The following TSPAN14 variants were observed in gnomAD, a reference collection of about 807,000 sequenced individuals.
TSPAN14 encodes tetraspanin 14.
TSPAN14 carries 16 observed loss-of-function variants against 36.6 expected under a neutral mutation model. That is an observed-to-expected ratio of 0.44 (90% confidence interval 0.30 to 0.66). The LOEUF is 0.66. Ranked by LOEUF, TSPAN14 falls within the 30% of genes least tolerant of loss-of-function variation. The pLI is 0.12. For missense variants in TSPAN14, 231 were observed against 355.1 expected (o/e 0.65, Z 2.81); for synonymous variants, 139 against 143.8 (o/e 0.97, Z 0.24).
At position 80,509,251 on chromosome 10, in the gene TSPAN14, G is replaced by A. The variant is rs1417143193; in HGVS notation, c.280-50G>A. 2 of 1,582,072 alleles carry A rather than the reference G, an allele frequency of 1.3e-6. No individual in the cohort carries two copies. Among genetic ancestry groups the A allele is most frequent in the African/African-American group, 2.7e-5 (2 of 74,460 alleles). On this transcript the variant is annotated intron_variant, in intron 4 of 8. Coordinates refer to ENST00000429989, the Ensembl canonical transcript of TSPAN14. This position sits in a 1 kb window ranked among gnomAD's most constrained non-coding sequence, Gnocchi z 4.7. The stretch of plus-strand genomic sequence containing the variant: ...GTCAGGTGGGGTTATGTGTGTGGGG[G>A]TGCAGGCTGGTGGGGTGGTGACTTC...
At chr10:80,457,606 C>T (rs138691245) in intron 1 of TSPAN14, among the ~76,000 whole-genome samples, 2 of 152,290 alleles carry the variant, frequency 1.3e-5, no homozygotes, top group Non-Finnish European at 1.5e-5. Context: ...GTGAAGGTGC[C>T]CTTGTATCCC....
intron 3 of TSPAN14, among the ~76,000 whole-genome samples, chr10:80,505,784 G>GGTGTGGCCCTGA (rs1464664737): frequency 6.6e-6 from 1 of 152,200 alleles, no homozygotes; most frequent in Non-Finnish European, 1.5e-5. Flanking sequence ...CGCCTAACTG[G>GGTGTGGCCCTGA]GTGTGGCCCT....
At chr10:80,520,794 A>C (rs558235868) in exon 9 of TSPAN14, 5 of 533,246 alleles carry the variant, frequency 9.4e-6, no homozygotes, top group South Asian at 7.0e-5. Context: ...GCTTATCCCA[A>C]TTGTCAACTC....
intron 2 of TSPAN14, among the ~76,000 whole-genome samples, chr10:80,499,123 A>G (rs1454204450): frequency 6.6e-6 from 1 of 152,224 alleles, no homozygotes; most frequent in Admixed American, 6.5e-5. Flanking sequence ...AGCCAAGGCC[A>G]TTAAATCATG....
At chr10:80,499,583 T>C (rs1407683537) in intron 2 of TSPAN14, among the ~76,000 whole-genome samples, 3 of 152,194 alleles carry the variant, frequency 2.0e-5, no homozygotes, top group Non-Finnish European at 4.4e-5. Flanking sequence ...GATACTGTGT[T>C]GCCAGGGTCA....
chr10:80,468,584 C>T (rs1846365313), intron 1 of TSPAN14: 1 of 152,186 alleles, frequency 6.6e-6, no homozygotes, highest in Non-Finnish European at 1.5e-5. Context: ...ATCCACAGAC[C>T]TGCTGATGGG....
At chr10:80,499,901 T>G (rs1303956271) in intron 2 of TSPAN14, among the ~76,000 whole-genome samples, 2 of 129,214 alleles carry the variant, frequency 1.5e-5, no homozygotes, top group Non-Finnish European at 3.4e-5. Flanking sequence ...TTCAATTAGG[T>G]CATGGGAGGG....
intron 1 of TSPAN14, among the ~76,000 whole-genome samples, chr10:80,467,101 C>T (rs371114622): frequency 2.6e-5 from 4 of 152,122 alleles, no homozygotes; most frequent in Non-Finnish European, 4.4e-5. Context: ...CTTTATATTT[C>T]GGTATCTTAT....
intron 1 of TSPAN14, among the ~76,000 whole-genome samples, chr10:80,480,040 C>A (rs4345904): frequency 0.93 from 129,279 of 138,976 alleles, 60,277 homozygotes; most frequent in East Asian, 1. Context: ...TAGGTATTTT[C>A]TTCTCTTTGA....
chr10:80,490,431 A>G (rs1027339289), intron 2 of TSPAN14, among the ~76,000 whole-genome samples: 6 of 152,198 alleles, frequency 3.9e-5, no homozygotes, highest in African/African-American at 1.2e-4. Context: ...CCCACTCCCA[A>G]GTTGGCTGAG....
At chr10:80,486,708 G>A (rs528109010) in intron 1 of TSPAN14, among the ~76,000 whole-genome samples, 3 of 152,212 alleles carry the variant, frequency 2.0e-5, no homozygotes, top group South Asian at 4.2e-4. Context: ...GAGAGGAGGC[G>A]GGATTGTCTT....
intron 1 of TSPAN14, among the ~76,000 whole-genome samples, chr10:80,457,245 GCGTGATCT>G (rs1390306338): frequency 6.6e-6 from 1 of 151,454 alleles, no homozygotes; most frequent in Non-Finnish European, 1.5e-5. Context: ...GAGTGCAGTG[GCGTGATCT>G]CGGCTCACTG....
intron 7 of TSPAN14, among the ~76,000 whole-genome samples, chr10:80,515,220 T>G (rs552942820): frequency 5.9e-5 from 9 of 152,206 alleles, no homozygotes; most frequent in Non-Finnish European, 1.3e-4. Flanking sequence ...CAGCAGGCAT[T>G]TATTTTCTCA....
At chr10:80,518,228 G>A (rs1212557284) in exon 9 of TSPAN14, 3 of 540,182 alleles carry the variant, frequency 5.6e-6, no homozygotes, top group Non-Finnish European at 1.0e-5. Flanking sequence ...GTCTTTATGT[G>A]GGAGTGGTGA....
At chr10:80,499,342 C>T (rs763798544) in intron 2 of TSPAN14, among the ~76,000 whole-genome samples, 1 of 152,184 alleles carries the variant, frequency 6.6e-6, no homozygotes, top group Non-Finnish European at 1.5e-5. Flanking sequence ...TTCGCAAGGT[C>T]ATTTGCCTAA....
At chr10:80,468,085 A>G (rs1195441745) in intron 1 of TSPAN14, among the ~76,000 whole-genome samples, 1 of 152,204 alleles carries the variant, frequency 6.6e-6, no homozygotes, top group Non-Finnish European at 1.5e-5. Context: ...AACAGGTTCT[A>G]GGAGACAAAA....
chr10:80,516,055 G>T (rs931188472), intron 7 of TSPAN14, 149 bp from the exon 8 acceptor site: 20 of 1,175,938 alleles, frequency 1.7e-5, no homozygotes, highest in African/African-American at 3.0e-5. Flanking sequence ...AGGAGCTGAC[G>T]AGCATCTCCT....
intron 1 of TSPAN14, among the ~76,000 whole-genome samples, chr10:80,464,452 A>G (rs1017366635): frequency 6.6e-6 from 1 of 151,900 alleles, no homozygotes; most frequent in African/African-American, 2.4e-5. Context: ...GGAGGTGCCC[A>G]CTCTGTGTTG....
intron 2 of TSPAN14, among the ~76,000 whole-genome samples, chr10:80,497,901 G>C (rs1241022479): frequency 1.3e-5 from 2 of 152,228 alleles, no homozygotes; most frequent in Non-Finnish European, 2.9e-5. Context: ...AGGAGGAAAA[G>C]CTGGGGTGTG....
Sources: gnomAD v4.1 joint callset for allele counts (sites outside exome capture counted in the v4.1 genomes callset) on GRCh38, gnomAD v4.1.1 for gene constraint, Gnocchi (gnomAD v3.1) non-coding constraint, MANE v1.5 for transcripts, NCBI Gene and HGNC (gene_info 2026-07-23, HGNC 2026-07-21) for gene names.